The following CTRL variants were observed in gnomAD, a reference collection of about 807,000 sequenced individuals.
CTRL encodes chymotrypsin like.
CTRL carries 38 observed loss-of-function variants against 35.5 expected under a neutral mutation model. That is an observed-to-expected ratio of 1.07 (90% confidence interval 0.83 to 1.40). The LOEUF (loss-of-function observed/expected upper bound fraction) is 1.40. Among genes scored for constraint, CTRL ranks in the 40% most tolerant of loss-of-function variants. The probability of loss-of-function intolerance (pLI) is 0.00; values close to 1 mark genes in which losing one functional copy is unlikely to be tolerated. For synonymous variants in CTRL, 155 were observed against 141.1 expected (o/e 1.10, Z -0.70); for missense variants, 327 against 342.9 (o/e 0.95, Z 0.37).
rs989060291 is a variant in CTRL, at chr16:67,931,204, G to A, written c.53-3C>T. On this transcript the variant is annotated splice_polypyrimidine_tract_variant and splice_region_variant and intron_variant, in intron 1 of 6. Coordinates refer to ENST00000574481, the MANE Select transcript of CTRL (RefSeq NM_001907.3). ...TTTGATGGCAGGAATGCCGCAGCCT[G>A]GCCATTGGGCTAATGAGGACCTGCT... 1 of 1,613,794 alleles carries A rather than the reference G, an allele frequency of 6.2e-7. No homozygotes were observed. The highest frequency in any genetic ancestry group is 1.3e-5 in the African/African-American group (1 of 74,924).
At position 67,931,798 on chromosome 16, in the gene CTRL, C is replaced by G; in HGVS notation, c.52+3G>C. On this transcript the variant is annotated splice_donor_region_variant and intron_variant, in intron 1 of 6. Transcript: ENST00000574481. The stretch of plus-strand genomic sequence containing the variant: ...GAATCAGGGCTGGTCCTGGCCCACT[C>G]ACCCCAGGAGGAGCCGAGGAGAACC... 1 of 1,564,826 alleles carries G rather than the reference C, an allele frequency of 6.4e-7. No individual in the cohort carries two copies. Among genetic ancestry groups the G allele is most frequent in the Non-Finnish European group, 8.7e-7 (1 of 1,154,716 alleles).
chr16:67,931,224 C>T, intron 1 of CTRL, 23 bp from the exon 2 acceptor site: 1 of 1,612,408 alleles, frequency 6.2e-7, no homozygotes, highest in South Asian at 1.1e-5. Context: ...CTAATGAGGA[C>T]CTGCTTCCCA....
Position 67,930,943 on chromosome 16 carries a change from G to A in CTRL, c.213C>T (p.Val71=). 1.2e-6 allele frequency: 2 copies of A among 1,613,762 alleles called. No homozygotes were observed. The highest frequency in any genetic ancestry group is 1.7e-6 in the Non-Finnish European group (2 of 1,180,000). The stretch of plus-strand genomic sequence containing the variant: ...ACCTGACATTGCAGTGGGCAGCAGT[G>A]ACCACCCAGGACTGGCTGATGAGAG... The part of the protein sequence containing the change: ...GGSLISQSWV[V]TAAHCNVSPG... Residue 71 remains valine, a synonymous_variant, in exon 3 of 7, where the codon GTC becomes GTT. Coordinates refer to ENST00000574481, the MANE Select transcript of CTRL (RefSeq NM_001907.3). The surrounding 1 kb of genome is among the most constrained non-coding windows in gnomAD (Gnocchi z 4.3).
In CTRL at chr16:67,931,858, C is replaced by T; in HGVS notation, c.-6G>A. ...GTCAGGCTGAGCAGCAACATCGTGG[C>T]AGATGTGAGGTTGGGAGCTGGGTCT... is the stretch of plus-strand genomic sequence containing the variant. On this transcript the variant is annotated 5_prime_UTR_variant, in exon 1 of 7. Transcript: ENST00000574481. 3 of 1,568,254 alleles carry T rather than the reference C, an allele frequency of 1.9e-6. No homozygotes were observed. Among genetic ancestry groups the T allele is most frequent in the Non-Finnish European group, 1.7e-6 (2 of 1,156,598 alleles).
intron 1 of CTRL, 111 bp from the exon 2 acceptor site, chr16:67,931,312 A>G (rs1440916218): frequency 1.0e-6 from 1 of 1,001,034 alleles, no homozygotes; most frequent in Non-Finnish European, 1.5e-6. Flanking sequence ...GAGAGGGTAC[A>G]GCACTACCCC....
chr16:67,931,746 G>A, intron 1 of CTRL, 55 bp downstream of exon 1: 1 of 1,537,810 alleles, frequency 6.5e-7, no homozygotes, highest in Non-Finnish European at 8.8e-7. Context: ...CTGGGCTGTT[G>A]CTGGGAGCTG....
chr16:67,931,176 C>T lies in CTRL; in HGVS notation c.78G>A (p.Pro26=), dbSNP rs533233278. 8.1e-6 allele frequency: 13 copies of T among 1,614,094 alleles called. No individual in the cohort carries two copies. Among genetic ancestry groups the T allele is most frequent in the Middle Eastern group, 1.7e-4 (1 of 6,060 alleles). ...CAATCCTCTGGCTGAAGCTCAGTGC[C>T]GGTTTGATGGCAGGAATGCCGCAGC... The part of the protein sequence containing the change: ...SWGCGIPAIK[P]ALSFSQRIVN... Residue 26 remains proline (P), a synonymous_variant, in exon 2 of 7, where the codon CCG becomes CCA. Transcript: ENST00000574481.
Position 67,929,623 on chromosome 16 carries a change from C to T in CTRL, c.*311G>A, listed in dbSNP as rs562561944. ...TGCGTATTCAGTTTGTAAACGTATC[C>T]TCTGTATTCAGTAAACAGGCTGCCT... On this transcript the variant is annotated 3_prime_UTR_variant, in exon 7 of 7. Coordinates refer to ENST00000574481, the MANE Select transcript of CTRL (RefSeq NM_001907.3). 9.9e-6 allele frequency: 4 copies of T among 402,012 alleles called. No homozygotes were observed. The highest frequency in any genetic ancestry group is 4.4e-5 in the East Asian group (1 of 22,764). 24.9% of individuals were successfully genotyped at this position (402,012 alleles called of 1,614,324 possible). A position where few individuals can be genotyped will look rare whatever the true frequency, so the allele number is the denominator to read the frequency against.
At chr16:67,931,306 G>C (rs1373741363) in intron 1 of CTRL, 105 bp from the exon 2 acceptor site, 2 of 1,107,658 alleles carry the variant, frequency 1.8e-6, no homozygotes, top group Admixed American at 3.9e-5. Flanking sequence ...TCTGTCGAGA[G>C]GGTACAGCAC....
At position 67,929,653 on chromosome 16, in the gene CTRL, A is replaced by G. The variant is rs923790262; in HGVS notation, c.*281T>C. On this transcript the variant is annotated 3_prime_UTR_variant, in exon 7 of 7. Transcript: ENST00000574481. ...TATTCAGTAAACAGGCTGCCTCTCC[A>G]GGGAGGGCTGCCATTCATTCCAACA... 8 of 480,338 alleles carry G rather than the reference A, an allele frequency of 1.7e-5. No individual in the cohort carries two copies. Among genetic ancestry groups the G allele is most frequent in the Admixed American group, 6.7e-5 (2 of 29,816 alleles). The allele number at this position is 480,338 out of a possible 1,614,324, so 29.8% of individuals were successfully genotyped here.
intron 1 of CTRL, 100 bp from the exon 2 acceptor site, chr16:67,931,301 C>T (rs933389362): frequency 3.4e-5 from 39 of 1,157,770 alleles, no homozygotes; most frequent in East Asian, 4.9e-5. Flanking sequence ...AGAGGTCTGT[C>T]GAGAGGGTAC....
At position 67,931,173 on chromosome 16, in the gene CTRL, T is replaced by G. The variant is rs761558283; in HGVS notation, c.81A>C (p.Ala27=). The change falls in exon 2 of 7, where the codon GCA becomes GCC. Residue 27 remains alanine (A), a synonymous_variant. Coordinates refer to ENST00000574481, the MANE Select transcript of CTRL (RefSeq NM_001907.3). ...WGCGIPAIKP[A]LSFSQRIVNG... The stretch of plus-strand genomic sequence containing the variant: ...TGACAATCCTCTGGCTGAAGCTCAG[T>G]GCCGGTTTGATGGCAGGAATGCCGC... The G allele has an allele frequency of 3.7e-6, 6 of 1,614,086 alleles. No individual in the cohort carries two copies.
intron 1 of CTRL, 134 bp from the exon 2 acceptor site, chr16:67,931,335 G>A (rs1271615585): frequency 2.5e-5 from 20 of 793,616 alleles, no homozygotes; most frequent in Admixed American, 2.4e-4. Context: ...CCCCAACAGG[G>A]TACATGCAAG....
In CTRL at chr16:67,929,836, C is replaced by T. The variant is rs1445811085; in HGVS notation, c.*98G>A. 2 of 1,372,370 alleles carry T rather than the reference C, an allele frequency of 1.5e-6. No individual in the cohort carries two copies. The highest frequency in any genetic ancestry group is 2.0e-6 in the Non-Finnish European group (2 of 991,696). 85.0% of individuals were successfully genotyped at this position (1,372,370 alleles called of 1,614,324 possible). Reference sequence around the variant, plus strand: ...AAGTAGGGAGTCGGACCCTCAACAGCCTCTTCTTTCTCCTGAGCCAGGAAG... The same window carrying T: ...AAGTAGGGAGTCGGACCCTCAACAGTCTCTTCTTTCTCCTGAGCCAGGAAG... On this transcript the variant is annotated 3_prime_UTR_variant, in exon 7 of 7. Coordinates refer to ENST00000574481, the MANE Select transcript of CTRL (RefSeq NM_001907.3).
rs199780720 is a variant in CTRL, at chr16:67,931,075, T to C, written c.156+23A>G. 1.5e-3 allele frequency: 2,377 copies of C among 1,613,696 alleles called. 16 individuals carry two copies. Among genetic ancestry groups the C allele is most frequent in the South Asian group, 8.4e-3 (766 of 91,076 alleles). On this transcript the variant is annotated intron_variant, in intron 2 of 6. Transcript: ENST00000574481. ...CCTAGGCATGACGTACCCAGGACCC[T>C]GCCCACCCCTCTGGTGGTGTACCTG... is the stretch of plus-strand genomic sequence containing the variant.
rs765545444 is a variant in CTRL at position 67,930,767 on chromosome 16, A to T, written c.277T>A (p.Ser93Thr). 6.2e-7 allele frequency: 1 copy of T among 1,613,952 alleles called. No individual in the cohort carries two copies. Among genetic ancestry groups the T allele is most frequent in the Non-Finnish European group, 8.5e-7 (1 of 1,179,974 alleles). ...HFVVLGEYDR[S>T]SNAEPLQVLS... is the part of the protein sequence containing the mutation. The stretch of plus-strand genomic sequence containing the variant: ...ACCTGCAAGGGCTCTGCGTTTGATG[A>T]TCGGTCATACTCGCCCAGGACAACA... Residue 93 changes from serine to threonine, a missense_variant, in exon 4 of 7, where the codon TCA (serine) becomes ACA (threonine). Ser to Thr is a moderately conservative substitution (Grantham distance 58). Transcript: ENST00000574481. This position sits in a 1 kb window ranked among gnomAD's most constrained non-coding sequence, Gnocchi z 4.3.
Position 67,930,066 on chromosome 16 carries a change from C to T in CTRL, c.663G>A (p.Gln221=), listed in dbSNP as rs765267708. The change falls in exon 7 of 7, where the codon CAG becomes CAA. Residue 221 remains glutamine (Q), a synonymous_variant. Coordinates refer to ENST00000574481, the MANE Select transcript of CTRL (RefSeq NM_001907.3). This position sits in a 1 kb window ranked among gnomAD's most constrained non-coding sequence, Gnocchi z 4.3. The part of the protein sequence containing the change: ...QGDSGGPLVC[Q]KGNTWVLIGI... ...CAATAAGCACCCATGTGTTTCCCTT[C>T]TGGCAGACAAGAGGGCCTCCGGAGT... The T allele has an allele frequency of 1.2e-6, 2 of 1,613,998 alleles. No individual in the cohort carries two copies. Among genetic ancestry groups the T allele is most frequent in the African/African-American group, 1.3e-5 (1 of 74,892 alleles).
At position 67,930,318 on chromosome 16, in the gene CTRL, C is replaced by T. The variant is rs760359841; in HGVS notation, c.500G>A (p.Gly167Asp). 1.9e-6 allele frequency: 3 copies of T among 1,613,884 alleles called. No homozygotes were observed. The South Asian group carries it at 3.3e-5, about 18-fold the overall frequency. The part of the protein sequence containing the change: ...TTGWGRLSGV[G>D]NVTPAHLQQV... ...CTGCAGATGTGCTGGTGTCACATTG[C>T]CTGTGGGCCAGGAGGGGTGGTCACA... Residue 167 changes from glycine to aspartate, a missense_variant and splice_region_variant, in exon 6 of 7, where the codon GGC becomes GAC. Gly to Asp is a moderately conservative substitution (Grantham distance 94, BLOSUM62 -1). Transcript: ENST00000574481. This position sits in a 1 kb window ranked among gnomAD's most constrained non-coding sequence, Gnocchi z 4.3.
At position 67,931,228 on chromosome 16, in the gene CTRL, C is replaced by T. The variant is rs751772076; in HGVS notation, c.53-27G>A. On this transcript the variant is annotated intron_variant, in intron 1 of 6. Transcript: ENST00000574481. ...TGGCCATTGGGCTAATGAGGACCTG[C>T]TTCCCATGCCTCAGCCCATCTTTCC... The T allele has an allele frequency of 4.3e-6, 7 of 1,610,436 alleles. No individual in the cohort carries two copies. The African/African-American group carries it at 5.3e-5, about 12-fold the overall frequency.
Sources: gnomAD v4.1 joint callset for allele counts on GRCh38, gnomAD v4.1.1 for gene constraint, Gnocchi (gnomAD v3.1) non-coding constraint, MANE v1.5 for transcripts, NCBI Gene and HGNC (gene_info 2026-07-23, HGNC 2026-07-21) for gene names.